Variants in NAALADL2 observed in about 807,000 individuals in gnomAD.
NAALADL2 encodes the protein inactive N-acetylated-alpha-linked acidic dipeptidase-like protein 2.
NAALADL2 carries 76 observed loss-of-function variants against 87.2 expected under a neutral mutation model. That is an observed-to-expected ratio of 0.87 (90% CI 0.72 to 1.05). The LOEUF is 1.05. NAALADL2 is among the 50% of genes least tolerant of loss of function. The probability of loss-of-function intolerance (pLI) is 0.00; values close to 1 mark genes in which losing one functional copy is unlikely to be tolerated. For missense variants in NAALADL2, 1,089 were observed against 945.8 expected (o/e 1.15, Z -1.99); for synonymous variants, 354 against 331.0 (o/e 1.07, Z -0.75).
chr3:175,522,846 G>A (rs772981015), intron 9 of NAALADL2, among the ~76,000 whole-genome samples: 1 of 152,078 alleles, frequency 6.6e-6, no homozygotes, highest in Non-Finnish European at 1.5e-5. Flanking sequence ...TCTCATTTCA[G>A]TTATTTCTAT....
chr3:174,477,288 C>G (rs1410298971), intron 1 of NAALADL2, among the ~76,000 whole-genome samples: 1 of 152,054 alleles, frequency 6.6e-6, no homozygotes, highest in Middle Eastern at 3.2e-3. Context: ...TCTTATGATT[C>G]CTAGTCCTGA....
At chr3:175,139,224 A>C (rs773050939) in intron 2 of NAALADL2, among the ~76,000 whole-genome samples, 3 of 151,778 alleles carry the variant, frequency 2.0e-5, no homozygotes, top group Non-Finnish European at 4.4e-5. Context: ...CATTTTCTTG[A>C]GAGTTACTGC....
chr3:175,507,354 T>A (rs1474512661), intron 9 of NAALADL2, among the ~76,000 whole-genome samples: 3 of 152,192 alleles, frequency 2.0e-5, no homozygotes. Context: ...CATGTCCAGG[T>A]GTCTCTTTTC....
chr3:174,780,778 A>C (rs1401238000), intron 3 of NAALADL2, among the ~76,000 whole-genome samples: 1 of 152,000 alleles, frequency 6.6e-6, no homozygotes, highest in African/African-American at 2.4e-5. Context: ...GCCAATTTAC[A>C]TTTAAAGTTA....
chr3:174,909,167 T>A (rs1733361404), intron 1 of NAALADL2, among the ~76,000 whole-genome samples: 1 of 151,988 alleles, frequency 6.6e-6, no homozygotes, highest in South Asian at 2.1e-4. Context: ...GGCAGGCGGA[T>A]CACCTCACCT....
At chr3:175,091,346 A>C (rs376375231) in intron 1 of NAALADL2, among the ~76,000 whole-genome samples, 33 of 152,182 alleles carry the variant, frequency 2.2e-4, no homozygotes, top group African/African-American at 7.2e-4. Context: ...CAAACCAGCA[A>C]ATGATTTGAC....
At chr3:174,874,216 A>G (rs78478507) in intron 1 of NAALADL2, among the ~76,000 whole-genome samples, 2,845 of 152,218 alleles carry the variant, frequency 0.019, 89 homozygotes, top group African/African-American at 0.065. Flanking sequence ...ACGTGAGTAC[A>G]TGTGCACATG....
Position 174,807,888 on chromosome 3 carries a change from T to TGTGAGA in NAALADL2, c.-9+70143_-9+70144insTGAGAG, listed in dbSNP as rs575685742. On this transcript the variant is annotated intron_variant, in intron 3 of 3. Transcript: ENST00000434257. ...TTTTCATTGTGTGTGTGTGTGTGTG[T>TGTGAGA]GAGAGAGAGAGATATGCAGTGGCAG... Among the ~76,000 whole-genome samples the TGTGAGA allele has an allele frequency of 2.2e-3, 242 of 111,604 alleles. 1 individual carries two copies. The highest frequency in any genetic ancestry group is 5.8e-3 in the South Asian group (18 of 3,100). The allele number at this position is 111,604 out of a possible 152,430, so 73.2% of individuals were successfully genotyped here.
chr3:174,825,423 A>G (rs560481442), intron 3 of NAALADL2, among the ~76,000 whole-genome samples: 9 of 152,320 alleles, frequency 5.9e-5, no homozygotes, highest in African/African-American at 2.2e-4. Context: ...GGAGAGGGAG[A>G]GAATTTGCCC....
chr3:175,378,027 A>G (rs1467940590), intron 5 of NAALADL2, among the ~76,000 whole-genome samples: 2 of 152,172 alleles, frequency 1.3e-5, no homozygotes, highest in African/African-American at 2.4e-5. Flanking sequence ...CCATGAGTGC[A>G]GATAAAAGAG....
chr3:174,776,212 C>G (rs1221476362), intron 3 of NAALADL2, among the ~76,000 whole-genome samples: 1 of 152,076 alleles, frequency 6.6e-6, no homozygotes, highest in African/African-American at 2.4e-5. Context: ...CAGCCCAATA[C>G]CTCCCTAACA....
chr3:175,715,884 T>G (rs192420697), intron 11 of NAALADL2, among the ~76,000 whole-genome samples: 29 of 151,658 alleles, frequency 1.9e-4, no homozygotes, highest in Non-Finnish European at 4.0e-4. Context: ...AAATAAAAAA[T>G]AATTAAAAAA....
rs574510730 is a variant in NAALADL2, at chr3:174,902,038, T to G, written c.43+42588T>G. Among the ~76,000 whole-genome samples the G allele has an allele frequency of 1.1e-4, 16 of 152,216 alleles. No homozygotes were observed. In the South Asian group the frequency reaches 3.1e-3, roughly 30 times the overall value. ...AACTATAATATATACACGACTTACG[T>G]GGGAATCTCGTTTAAATGCAGATCC... On this transcript the variant is annotated intron_variant, in intron 1 of 13. Transcript: ENST00000454872.
chr3:174,746,683 A>G (rs1734291694), intron 3 of NAALADL2, among the ~76,000 whole-genome samples: 3 of 152,344 alleles, frequency 2.0e-5, no homozygotes, highest in South Asian at 4.1e-4. Flanking sequence ...TTCAAACTAT[A>G]CTACAAGGCT....
chr3:175,156,102 A>G (rs942912293), intron 2 of NAALADL2, among the ~76,000 whole-genome samples: 3 of 152,148 alleles, frequency 2.0e-5, no homozygotes, highest in Admixed American at 6.6e-5. Context: ...AAATTTAAGG[A>G]GGTGGAGTAA....
At chr3:174,941,866 C>T (rs1234262431) in intron 1 of NAALADL2, among the ~76,000 whole-genome samples, 1 of 151,954 alleles carries the variant, frequency 6.6e-6, no homozygotes, top group Non-Finnish European at 1.5e-5. Flanking sequence ...GATTTTCCTC[C>T]ATTCCTTTAT....
chr3:175,107,519 C>T (rs1463690564), intron 2 of NAALADL2, among the ~76,000 whole-genome samples: 2 of 151,496 alleles, frequency 1.3e-5, no homozygotes, highest in Non-Finnish European at 2.9e-5. Flanking sequence ...CATACACACA[C>T]ACACACACAC....
At chr3:174,959,012 A>C (rs552003313) in intron 1 of NAALADL2, among the ~76,000 whole-genome samples, 1 of 152,178 alleles carries the variant, frequency 6.6e-6, no homozygotes, top group African/African-American at 2.4e-5. Context: ...ACAGTTTTCT[A>C]TTGGTGTTTT....
chr3:174,959,176 C>A (rs2108546591), intron 1 of NAALADL2, among the ~76,000 whole-genome samples: 1 of 152,062 alleles, frequency 6.6e-6, no homozygotes, highest in Non-Finnish European at 1.5e-5. Context: ...AAAAACCAGG[C>A]CAATTTTCAA....
Sources: allele counts gnomAD v4.1 joint callset (sites outside exome capture counted in the v4.1 genomes callset), GRCh38; gene constraint gnomAD v4.1.1; transcripts MANE v1.5; gene names NCBI Gene and HGNC (gene_info 2026-07-23, HGNC 2026-07-21).